The following LIPI variants were observed in gnomAD, a reference collection of about 807,000 sequenced individuals.
The protein encoded by LIPI is lipase I, also known as lipase member I.
A neutral mutation model predicts 50.6 loss-of-function variants in LIPI; 59 were observed. The ratio of observed to expected loss-of-function variants is 1.16; its 90% confidence interval spans 0.94 to 1.45. The LOEUF is 1.45. Ranked by LOEUF, LIPI falls within the 40% of genes most tolerant of loss-of-function variation. The probability of loss-of-function intolerance (pLI) is 0.00; values close to 1 mark genes in which losing one functional copy is unlikely to be tolerated. For missense variants in LIPI, 586 were observed against 536.3 expected (o/e 1.09, Z -0.92); for synonymous variants, 203 against 178.2 (o/e 1.14, Z -1.11).
At chr21:14,152,547 A>C in intron 8 of LIPI, 26 bp downstream of exon 8, 1 of 1,091,202 alleles carries the variant, frequency 9.2e-7, no homozygotes. Context: ...AATATATGAG[A>C]GAAGAAAATA....
At chr21:14,193,584 G>A (rs964574439) in intron 1 of LIPI, among the ~76,000 whole-genome samples, 1 of 152,072 alleles carries the variant, frequency 6.6e-6, no homozygotes, top group Non-Finnish European at 1.5e-5. Context: ...CTAAAAGTGA[G>A]CAGAAATGCT....
At chr21:14,137,754 A>G (rs1379396394) in intron 9 of LIPI, among the ~76,000 whole-genome samples, 1 of 152,210 alleles carries the variant, frequency 6.6e-6, no homozygotes, top group Non-Finnish European at 1.5e-5. Flanking sequence ...ATATCCAAGT[A>G]TAAGAAAGTT....
At position 14,118,522 on chromosome 21, in the gene LIPI, G is replaced by C. The variant is rs74636647; in HGVS notation, c.1296-9442C>G. On this transcript the variant is annotated intron_variant, in intron 9 of 9. Coordinates refer to ENST00000681601, the MANE Select transcript of LIPI (RefSeq NM_001302998.2). ...GACTTACTACAAAACTGCAGGCTCA[G>C]ATCTCCTTTACACCAAGTGGAGATA... 1.4e-3 allele frequency among the ~76,000 whole-genome samples: 212 copies of C among 152,326 alleles called. 3 individuals carry two copies. In the East Asian group the frequency reaches 0.039, roughly 28 times the overall value.
intron 3 of LIPI, among the ~76,000 whole-genome samples, chr21:14,183,697 C>A (rs893535772): frequency 6.6e-6 from 1 of 152,004 alleles, no homozygotes; most frequent in African/African-American, 2.4e-5. Flanking sequence ...AAAGAAGACA[C>A]CTATGCAGCC....
chr21:14,200,643 T>C (rs943289870), intron 1 of LIPI, among the ~76,000 whole-genome samples: 19 of 151,994 alleles, frequency 1.3e-4, no homozygotes, highest in Admixed American at 8.5e-4. Flanking sequence ...CATACCATGC[T>C]CATGGATAGA....
At chr21:14,159,752 A>G (rs564312800) in intron 7 of LIPI, among the ~76,000 whole-genome samples, 140 of 151,560 alleles carry the variant, frequency 9.2e-4, no homozygotes, top group African/African-American at 3.2e-3. Flanking sequence ...CAATGAATCT[A>G]TTGTTTTAAC....
In LIPI at chr21:14,154,675, G is replaced by C. The variant is rs77216537; in HGVS notation, c.1007-1991C>G. 9.6e-4 allele frequency among the ~76,000 whole-genome samples: 146 copies of C among 152,112 alleles called. No individual in the cohort carries two copies. In the East Asian group the frequency reaches 0.014, roughly 14 times the overall value. On this transcript the variant is annotated intron_variant, in intron 7 of 9. Coordinates refer to ENST00000681601, the MANE Select transcript of LIPI (RefSeq NM_001302998.2). The stretch of plus-strand genomic sequence containing the variant: ...GCAACTTGTAGCTGTGACAGAGTCT[G>C]ATAAAATAGTCTGTGAAGCAAGATC...
chr21:14,118,514 C>T (rs1390042873), intron 9 of LIPI, among the ~76,000 whole-genome samples: 1 of 152,182 alleles, frequency 6.6e-6, no homozygotes, highest in African/African-American at 2.4e-5. Context: ...TACAAAACTG[C>T]AGGCTCAGAT....
At chr21:14,122,400 A>G (rs1361252907) in intron 9 of LIPI, among the ~76,000 whole-genome samples, 1 of 152,210 alleles carries the variant, frequency 6.6e-6, no homozygotes, top group Non-Finnish European at 1.5e-5. Context: ...TGTTACCCAC[A>G]TATGCCAATC....
intron 9 of LIPI, among the ~76,000 whole-genome samples, chr21:14,141,464 A>G (rs1296967214): frequency 9.9e-5 from 15 of 151,552 alleles, no homozygotes; most frequent in Non-Finnish European, 1.9e-4. Context: ...ACTCGTTCTT[A>G]TATGGATTTT....
chr21:14,155,971 A>G (rs1018578537), intron 7 of LIPI, among the ~76,000 whole-genome samples: 3 of 152,004 alleles, frequency 2.0e-5, no homozygotes, highest in African/African-American at 7.2e-5. Context: ...TGAAACAAAA[A>G]TTTTTACACA....
intron 2 of LIPI, among the ~76,000 whole-genome samples, chr21:14,187,186 G>A (rs1389496041): frequency 2.6e-5 from 4 of 152,046 alleles, no homozygotes; most frequent in East Asian, 1.9e-4. Context: ...CAAGGCCAAC[G>A]TCTGAATACC....
Position 14,198,919 on chromosome 21 carries a change from ACAGTGTAAT to A in LIPI, c.47-9509_47-9501del, listed in dbSNP as rs1304404264. Among the ~76,000 whole-genome samples the A allele has an allele frequency of 3.9e-5, 6 of 152,280 alleles. No homozygotes were observed. In the South Asian group the frequency reaches 1.2e-3, roughly 32 times the overall value. ...ATCATAACAAAAAGTCTCTCATACC[ACAGTGTAAT>A]CAAATTAGAAATTAACACTAAGAAA... On this transcript the variant is annotated intron_variant, in intron 1 of 9. Coordinates refer to ENST00000681601, the MANE Select transcript of LIPI (RefSeq NM_001302998.2).
chr21:14,190,326 C>A (rs1055998482), intron 1 of LIPI, among the ~76,000 whole-genome samples: 2 of 151,894 alleles, frequency 1.3e-5, no homozygotes, highest in African/African-American at 4.8e-5. Context: ...TCATAATAAG[C>A]AAATAATCCC....
At chr21:14,142,487 T>A (rs560461114) in intron 9 of LIPI, among the ~76,000 whole-genome samples, 13 of 149,194 alleles carry the variant, frequency 8.7e-5, no homozygotes, top group South Asian at 2.1e-4. Context: ...ATATATATAT[T>A]TTGTTGTTGT....
chr21:14,172,290 A>G (rs1447504571), intron 4 of LIPI, among the ~76,000 whole-genome samples: 1 of 152,262 alleles, frequency 6.6e-6, no homozygotes, highest in East Asian at 1.9e-4. Context: ...TAGTTCAACC[A>G]TTGTGGAAGT....
At chr21:14,136,269 G>T (rs1305144432) in intron 9 of LIPI, among the ~76,000 whole-genome samples, 1 of 152,092 alleles carries the variant, frequency 6.6e-6, no homozygotes, top group Non-Finnish European at 1.5e-5. Flanking sequence ...GGCTCGTGGG[G>T]TTCACAATTC....
chr21:14,110,957 A>G (rs912572852), intron 9 of LIPI, among the ~76,000 whole-genome samples: 5 of 148,406 alleles, frequency 3.4e-5, no homozygotes, highest in African/African-American at 7.3e-5. Flanking sequence ...TATATAATAT[A>G]CATATTATAT....
Position 14,210,861 on chromosome 21 carries a change from A to G in LIPI, c.-16T>C. ...ATACTCTCATTTGGAATCTGAGAAA[A>G]GCAAAAACAGCACTCAATTCACCAA... On this transcript the variant is annotated 5_prime_UTR_variant, in exon 1 of 10. Transcript: ENST00000681601. The G allele has an allele frequency of 2.4e-6, 3 of 1,230,510 alleles. No homozygotes were observed. The highest frequency in any genetic ancestry group is 2.1e-6 in the Non-Finnish European group (2 of 961,462). 76.2% of individuals were successfully genotyped at this position (1,230,510 alleles called of 1,614,324 possible).
Sources: allele counts gnomAD v4.1 joint callset (sites outside exome capture counted in the v4.1 genomes callset), GRCh38; gene constraint gnomAD v4.1.1; transcripts MANE v1.5; gene names NCBI Gene and HGNC (gene_info 2026-07-23, HGNC 2026-07-21).